PCDH7: variants seen among roughly 807,000 people sequenced by gnomAD.
PCDH7 encodes the protein protocadherin-7.
Under a neutral mutation model 58.9 loss-of-function variants are expected in PCDH7, and 17 were observed. The observed-to-expected ratio is 0.29, with a 90% CI of 0.20 to 0.43. The LOEUF is 0.43. Among genes scored for constraint, PCDH7 ranks in the 20% least tolerant of loss-of-function variants. PCDH7 has a pLI of 1.00. For synonymous variants in PCDH7, 664 were observed against 616.4 expected, an observed-to-expected ratio of 1.08 and a Z score of -1.14; for missense variants, 1,274 against 1,441.0, an observed-to-expected ratio of 0.88 and a Z score of 1.88.
chr4:30,845,482 G>C (rs1328968215), intron 1 of PCDH7, among the ~76,000 whole-genome samples: 2 of 152,078 alleles, frequency 1.3e-5, no homozygotes, highest in African/African-American at 4.8e-5. Flanking sequence ...ATTTGTTATG[G>C]AATTATACCA....
intron 1 of PCDH7, among the ~76,000 whole-genome samples, chr4:30,908,104 T>G (rs1741218501): frequency 6.6e-6 from 1 of 150,680 alleles, no homozygotes; most frequent in Non-Finnish European, 1.5e-5. Flanking sequence ...GGTTCGGGGG[T>G]GAGGGGCTAG....
chr4:31,042,230 A>G (rs150363374), intron 3 of PCDH7, among the ~76,000 whole-genome samples: 14 of 152,310 alleles, frequency 9.2e-5, no homozygotes, highest in African/African-American at 3.1e-4. Flanking sequence ...TTTTCTAGAT[A>G]AGATAGGAGG....
chr4:30,842,792 A>C (rs1006727498), intron 1 of PCDH7, among the ~76,000 whole-genome samples: 1 of 152,166 alleles, frequency 6.6e-6, no homozygotes, highest in Non-Finnish European at 1.5e-5. Flanking sequence ...ACCACTGTGA[A>C]GGTTATATGG....
intron 3 of PCDH7, among the ~76,000 whole-genome samples, chr4:31,095,962 C>T (rs1045239033): frequency 2.0e-5 from 3 of 152,132 alleles, no homozygotes; most frequent in Non-Finnish European, 4.4e-5. Context: ...ACATTCTTGC[C>T]ATGATACTCA....
intron 1 of PCDH7, among the ~76,000 whole-genome samples, chr4:30,842,750 G>A (rs935522529): frequency 6.6e-6 from 1 of 152,076 alleles, no homozygotes; most frequent in East Asian, 1.9e-4. Context: ...CTTTAGCAGG[G>A]AAGCTACAAG....
chr4:31,077,612 T>C (rs1376920627), intron 3 of PCDH7, among the ~76,000 whole-genome samples: 1 of 152,108 alleles, frequency 6.6e-6, no homozygotes. Context: ...CCCCACTTCA[T>C]GTTTATGAGA....
chr4:30,853,362 T>C (rs901556385), intron 1 of PCDH7, among the ~76,000 whole-genome samples: 2 of 152,234 alleles, frequency 1.3e-5, no homozygotes, highest in Admixed American at 1.3e-4. Context: ...GGAAATGCTA[T>C]TTCTCTTCCA....
chr4:30,788,572 A>G (rs914678217), intron 1 of PCDH7, among the ~76,000 whole-genome samples: 1 of 152,138 alleles, frequency 6.6e-6, no homozygotes, highest in African/African-American at 2.4e-5. Context: ...TAAAATGCCT[A>G]TATTTCCTAT....
rs1345905922 is a variant in PCDH7, at chr4:30,935,281, A to G, written c.288-14839A>G. On this transcript the variant is annotated intron_variant, in intron 2 of 3. Transcript: ENST00000509759. Reference sequence around the variant, plus strand: ...CAGACTTGCAATGTTCATAATATTTATTAAATGCATGATTATTTTCTTACC... The same window carrying G: ...CAGACTTGCAATGTTCATAATATTTGTTAAATGCATGATTATTTTCTTACC... 3.4e-6 allele frequency: 3 copies of G among 881,930 alleles called. No individual in the cohort carries two copies. In the Admixed American group the frequency reaches 1.9e-4, roughly 55 times the overall value. 54.6% of individuals were successfully genotyped at this position (881,930 alleles called of 1,614,324 possible).
chr4:31,082,785 T>C (rs973500286), intron 3 of PCDH7, among the ~76,000 whole-genome samples: 1 of 27,876 alleles, frequency 3.6e-5, no homozygotes, highest in African/African-American at 1.4e-4. Flanking sequence ...AGAGGGAGGG[T>C]GGGAGGGGCT....
chr4:30,981,460 G>A (rs1750560172), intron 3 of PCDH7, among the ~76,000 whole-genome samples: 1 of 152,112 alleles, frequency 6.6e-6, no homozygotes, highest in African/African-American at 2.4e-5. Flanking sequence ...GAAGCTTTGA[G>A]CTGCATGAAA....
intron 3 of PCDH7, among the ~76,000 whole-genome samples, chr4:30,982,465 A>G (rs1310755793): frequency 6.6e-6 from 1 of 152,098 alleles, no homozygotes; most frequent in Non-Finnish European, 1.5e-5. Context: ...GAAAACCTTC[A>G]CCACCTTCTC....
chr4:30,731,042 T>C lies in PCDH7; in HGVS notation c.*254T>C, dbSNP rs1270431964. On this transcript the variant is annotated 3_prime_UTR_variant, in exon 2 of 2. Transcript: ENST00000361762. ...GTCTGAGTCACCAGAAATTCCATTC[T>C]TAAAGAGGCGGTTAGCACCTATTAG... is the stretch of plus-strand genomic sequence containing the variant. 4.2e-6 allele frequency: 5 copies of C among 1,195,574 alleles called. No homozygotes were observed. In the East Asian group the frequency reaches 1.8e-4, roughly 44 times the overall value. The allele number at this position is 1,195,574 out of a possible 1,614,324, so 74.1% of individuals were successfully genotyped here. A position where few individuals can be genotyped will look rare whatever the true frequency, so the allele number is the denominator to read the frequency against.
intron 1 of PCDH7, among the ~76,000 whole-genome samples, chr4:30,903,460 T>C (rs925353214): frequency 6.6e-6 from 1 of 152,106 alleles, no homozygotes; most frequent in Non-Finnish European, 1.5e-5. Context: ...TGGATTTTTT[T>C]TTTGTCTTAG....
At chr4:30,828,689 G>C (rs1250328458) in intron 1 of PCDH7, among the ~76,000 whole-genome samples, 3 of 152,016 alleles carry the variant, frequency 2.0e-5, no homozygotes, top group Non-Finnish European at 4.4e-5. Context: ...TGGTTACGTT[G>C]ACTCTTTTAA....
chr4:31,127,044 A>G (rs1297271904), intron 3 of PCDH7, among the ~76,000 whole-genome samples: 2 of 152,164 alleles, frequency 1.3e-5, no homozygotes, highest in African/African-American at 2.4e-5. Flanking sequence ...TGTGATACCC[A>G]CTTCTGGCAA....
At chr4:31,112,492 C>T (rs1716451978) in intron 3 of PCDH7, among the ~76,000 whole-genome samples, 1 of 152,150 alleles carries the variant, frequency 6.6e-6, no homozygotes, top group Non-Finnish European at 1.5e-5. Context: ...CTCTACTTAA[C>T]ATCTTTCATG....
downstream of PCDH7, chr4:31,143,900 G>A (rs1249550973): frequency 6.6e-6 from 1 of 152,118 alleles, no homozygotes; most frequent in African/African-American, 2.4e-5. Flanking sequence ...TATATTTTTG[G>A]TATTATAATA....
chr4:31,045,743 G>T (rs1478532250), intron 3 of PCDH7, among the ~76,000 whole-genome samples: 2 of 151,834 alleles, frequency 1.3e-5, no homozygotes, highest in Non-Finnish European at 2.9e-5. Context: ...CTTGCATTAA[G>T]CTGGTAGTAC....
Sources: gnomAD v4.1 joint callset for allele counts (sites outside exome capture counted in the v4.1 genomes callset) on GRCh38, gnomAD v4.1.1 for gene constraint, MANE v1.5 for transcripts, NCBI Gene and HGNC (gene_info 2026-07-23, HGNC 2026-07-21) for gene names.